Variants in NCKAP1 observed in about 807,000 individuals in gnomAD.
NCKAP1 encodes the protein NCK associated protein 1, also known as nck-associated protein 1.
NCKAP1 carries 21 observed loss-of-function variants against 151.2 expected under a neutral mutation model. That is an observed-to-expected ratio of 0.14 (90% CI 0.10 to 0.20). The LOEUF (loss-of-function observed/expected upper bound fraction) is 0.20. Ranked by LOEUF, NCKAP1 falls within the 10% of genes least tolerant of loss-of-function variation. NCKAP1 has a pLI of 1.00. For synonymous variants in NCKAP1, 484 were observed against 451.8 expected, an observed-to-expected ratio of 1.07 and a Z score of -0.90; for missense variants, 933 against 1,352.1, an observed-to-expected ratio of 0.69 and a Z score of 4.86.
intron 12 of NCKAP1, among the ~76,000 whole-genome samples, chr2:182,981,711 C>T (rs139931762): frequency 4.0e-5 from 6 of 151,874 alleles, no homozygotes; most frequent in Middle Eastern, 3.4e-3. Flanking sequence ...GGGTTCAAAA[C>T]CAGCCTGGCC....
At chr2:183,001,794 A>G (rs1698379473) in intron 6 of NCKAP1, among the ~76,000 whole-genome samples, 159 bp downstream of exon 6, 1 of 152,146 alleles carries the variant, frequency 6.6e-6, no homozygotes, top group South Asian at 2.1e-4. Flanking sequence ...GAATCTCATT[A>G]ATTAGTTCCC....
intron 24 of NCKAP1, among the ~76,000 whole-genome samples, chr2:182,939,688 C>T (rs1014646405): frequency 2.6e-5 from 4 of 151,812 alleles, no homozygotes; most frequent in African/African-American, 9.7e-5. Flanking sequence ...AACACATTGA[C>T]TTCTGGATAT....
chr2:183,036,704 C>A (rs1294154993), intron 1 of NCKAP1, among the ~76,000 whole-genome samples: 2 of 151,740 alleles, frequency 1.3e-5, no homozygotes, highest in Non-Finnish European at 2.9e-5. Flanking sequence ...CAGACTTTGT[C>A]CTTATCCAAA....
chr2:183,010,609 C>A (rs192979610), intron 2 of NCKAP1, among the ~76,000 whole-genome samples: 8 of 152,316 alleles, frequency 5.3e-5, no homozygotes, highest in Admixed American at 4.6e-4. Flanking sequence ...TATTTCACCA[C>A]CTGAGCACAT....
At chr2:182,965,249 AAG>A (rs1352547477) in intron 16 of NCKAP1, among the ~76,000 whole-genome samples, 7 of 138,834 alleles carry the variant, frequency 5.0e-5, no homozygotes, top group African/African-American at 1.1e-4. Flanking sequence ...AAATTAAAAA[AAG>A]AGAGAAATAT....
At chr2:183,035,185 G>A (rs559555416) in intron 1 of NCKAP1, among the ~76,000 whole-genome samples, 11 of 151,586 alleles carry the variant, frequency 7.3e-5, no homozygotes, top group African/African-American at 2.7e-4. Flanking sequence ...CCTAAAATCC[G>A]CTTTTATGTG....
chr2:182,942,175 A>AT lies in NCKAP1; in HGVS notation c.2602-13_2602-12insA. 1 of 1,583,984 alleles carries AT rather than the reference A, an allele frequency of 6.3e-7. No homozygotes were observed. Among genetic ancestry groups the AT allele is most frequent in the Admixed American group, 1.7e-5 (1 of 59,034 alleles). Reference sequence around the variant, plus strand: ...TCCACCACAAGTTTCTAAAAAAAAAAGAAAGATCCTAGGTCAGGCACAGAC... The same window carrying AT: ...TCCACCACAAGTTTCTAAAAAAAAAATGAAAGATCCTAGGTCAGGCACAGAC... On this transcript the variant is annotated splice_polypyrimidine_tract_variant and intron_variant, in intron 23 of 30. Transcript: ENST00000361354.
chr2:182,947,573 T>G (rs1174717316), intron 23 of NCKAP1, among the ~76,000 whole-genome samples: 1 of 152,232 alleles, frequency 6.6e-6, no homozygotes, highest in Non-Finnish European at 1.5e-5. Flanking sequence ...TCTTTTTAGT[T>G]CTTCTTTAAA....
chr2:182,938,682 G>A (rs1316741607), intron 24 of NCKAP1, among the ~76,000 whole-genome samples: 1 of 152,198 alleles, frequency 6.6e-6, no homozygotes, highest in Non-Finnish European at 1.5e-5. Flanking sequence ...TTGGCTTTCA[G>A]GGTGCAGGAG....
intron 14 of NCKAP1, among the ~76,000 whole-genome samples, chr2:182,977,245 T>C (rs1697842252): frequency 6.6e-6 from 1 of 152,122 alleles, no homozygotes; most frequent in South Asian, 2.1e-4. Flanking sequence ...TCCCAGCACT[T>C]TGGGAGGCCG....
intron 6 of NCKAP1, among the ~76,000 whole-genome samples, chr2:182,997,587 A>C (rs575126084): frequency 6.6e-6 from 1 of 152,346 alleles, no homozygotes; most frequent in Non-Finnish European, 1.5e-5. Flanking sequence ...TTTTTACTCC[A>C]GTATGGTCTG....
rs530329611 is a variant in NCKAP1 at position 183,023,890 on chromosome 2, T to C, written c.135A>G (p.Pro45=). Residue 45 remains proline, a synonymous_variant, in exon 2 of 31, where the codon CCA becomes CCG. Transcript: ENST00000361354. The stretch of plus-strand genomic sequence containing the variant: ...CCAGGTTTTTGTCGATAAGATAGGA[T>C]GGTTTTGCCTTGGGGTCTCCACATG... The part of the protein sequence containing the change: ...KKACGDPKAK[P]SYLIDKNLES... 4.3e-6 allele frequency: 7 copies of C among 1,612,688 alleles called. No homozygotes were observed. The South Asian group carries it at 5.5e-5, about 13-fold the overall frequency.
At chr2:182,932,993 A>G (rs925795986) in intron 26 of NCKAP1, among the ~76,000 whole-genome samples, 1 of 152,340 alleles carries the variant, frequency 6.6e-6, no homozygotes, top group South Asian at 2.1e-4. Flanking sequence ...CTGGGTCTTC[A>G]AGATATATAC....
intron 12 of NCKAP1, 57 bp downstream of exon 12, chr2:182,982,764 T>C: frequency 8.5e-7 from 1 of 1,175,674 alleles, no homozygotes; most frequent in Non-Finnish European, 1.2e-6. Flanking sequence ...ATAACCCCAT[T>C]GTAAATCAAG....
At chr2:182,957,875 C>T (rs1697357822) in intron 18 of NCKAP1, among the ~76,000 whole-genome samples, 1 of 151,864 alleles carries the variant, frequency 6.6e-6, no homozygotes, top group Admixed American at 6.6e-5. Flanking sequence ...ATTAAAAAGA[C>T]AAGTAAAAAC....
chr2:182,944,515 C>G (rs1697060952), intron 23 of NCKAP1, among the ~76,000 whole-genome samples: 1 of 151,928 alleles, frequency 6.6e-6, no homozygotes, highest in African/African-American at 2.4e-5. Flanking sequence ...CAAGAATTTT[C>G]GTAGAAAAAA....
chr2:183,031,935 G>C (rs1192073855), intron 1 of NCKAP1, among the ~76,000 whole-genome samples: 2 of 152,230 alleles, frequency 1.3e-5, no homozygotes, highest in South Asian at 2.1e-4. Context: ...CAGAAATTTA[G>C]TTATAACCCA....
At chr2:182,952,000 A>G (rs966735307) in intron 23 of NCKAP1, among the ~76,000 whole-genome samples, 4 of 152,226 alleles carry the variant, frequency 2.6e-5, no homozygotes, top group East Asian at 1.9e-4. Flanking sequence ...AGAAAAAGCA[A>G]TAAGCCCAGT....
At chr2:182,938,210 G>C (rs1696920994) in intron 24 of NCKAP1, among the ~76,000 whole-genome samples, 1 of 152,152 alleles carries the variant, frequency 6.6e-6, no homozygotes, top group Admixed American at 6.5e-5. Context: ...CAATAGAAGA[G>C]AGTTAAGGCT....
Sources: gnomAD v4.1 joint callset for allele counts (sites outside exome capture counted in the v4.1 genomes callset) on GRCh38, gnomAD v4.1.1 for gene constraint, MANE v1.5 for transcripts, NCBI Gene and HGNC (gene_info 2026-07-23, HGNC 2026-07-21) for gene names.